NXPE4: variants seen among roughly 807,000 people sequenced by gnomAD.
NXPE4 encodes NXPE family member 4.
NXPE4 carries 42 observed loss-of-function variants against 33.3 expected under a neutral mutation model. That is an observed-to-expected ratio of 1.26 (90% CI 0.98 to 1.63). The LOEUF (loss-of-function observed/expected upper bound fraction) is 1.63. Among genes scored for constraint, NXPE4 ranks in the 40% most tolerant of loss-of-function variants. The pLI is 0.00. For synonymous variants in NXPE4, 253 were observed against 234.9 expected, an observed-to-expected ratio of 1.08 and a Z score of -0.71; for missense variants, 709 against 647.6, an observed-to-expected ratio of 1.09 and a Z score of -1.03.
chr11:114,639,349 G>A, the NXPE4 span, among the ~76,000 whole-genome samples: 4 of 151,978 alleles, frequency 2.6e-5, no homozygotes, highest in South Asian at 2.1e-4. Flanking sequence ...GGAGTGACCC[G>A]ATTTTCCAGG....
At chr11:114,652,228 T>A in the NXPE4 span, among the ~76,000 whole-genome samples, 6 of 152,136 alleles carry the variant, frequency 3.9e-5, no homozygotes, top group Non-Finnish European at 8.8e-5. Context: ...AGTTAGCAGG[T>A]GAATTTGGTG....
At chr11:114,610,908 T>C in the NXPE4 span, among the ~76,000 whole-genome samples, 5 of 150,166 alleles carry the variant, frequency 3.3e-5, no homozygotes, top group African/African-American at 4.9e-5. Context: ...CAATGGTACC[T>C]GGTGGATAAT....
chr11:114,667,407 G>C, the NXPE4 span, among the ~76,000 whole-genome samples: 6 of 152,214 alleles, frequency 3.9e-5, no homozygotes, highest in African/African-American at 1.4e-4. Flanking sequence ...TTCAGTTAGA[G>C]ATTATCCATT....
the NXPE4 span, among the ~76,000 whole-genome samples, chr11:114,634,084 G>C: frequency 6.6e-6 from 1 of 151,572 alleles, no homozygotes; most frequent in Admixed American, 6.6e-5. Context: ...CACCAACAGT[G>C]TAAAAGTGTT....
At chr11:114,611,053 C>T in the NXPE4 span, among the ~76,000 whole-genome samples, 15 of 151,568 alleles carry the variant, frequency 9.9e-5, no homozygotes, top group South Asian at 8.3e-4. Context: ...ATAAGTGTTG[C>T]GTCATGGGTA....
chr11:114,676,137 A>G, the NXPE4 span, among the ~76,000 whole-genome samples: 2 of 151,992 alleles, frequency 1.3e-5, no homozygotes, highest in African/African-American at 4.8e-5. Context: ...AGGACCTGAA[A>G]CTGTAAAACT....
chr11:114,657,741 G>GA, the NXPE4 span, among the ~76,000 whole-genome samples: 232 of 151,896 alleles, frequency 1.5e-3, no homozygotes, highest in African/African-American at 4.3e-3. Flanking sequence ...CTTGTACAAA[G>GA]AAAAAAAGAT....
chr11:114,632,704 A>G, the NXPE4 span, among the ~76,000 whole-genome samples: 1 of 79,318 alleles, frequency 1.3e-5, no homozygotes, highest in African/African-American at 5.1e-5. Flanking sequence ...ATATTTATAT[A>G]ATATAATATA....
chr11:114,635,748 T>C, the NXPE4 span, among the ~76,000 whole-genome samples: 1 of 152,090 alleles, frequency 6.6e-6, no homozygotes, highest in Admixed American at 6.6e-5. Context: ...TTTGGTTCTG[T>C]TTATATGCTG....
At chr11:114,582,258 C>T in intron 3 of NXPE4, 30 bp downstream of exon 3, 1 of 1,531,144 alleles carries the variant, frequency 6.5e-7, no homozygotes, top group Non-Finnish European at 8.8e-7. Context: ...AATATTTGCA[C>T]AGGTAGTCTC....
At chr11:114,618,677 A>G in the NXPE4 span, among the ~76,000 whole-genome samples, 2 of 151,466 alleles carry the variant, frequency 1.3e-5, no homozygotes, top group African/African-American at 2.4e-5. Flanking sequence ...CGTAACCAGT[A>G]TTACCCACTT....
At chr11:114,628,794 AAGAG>A in the NXPE4 span, among the ~76,000 whole-genome samples, 20 of 152,124 alleles carry the variant, frequency 1.3e-4, no homozygotes, top group East Asian at 2.7e-3. Context: ...TAATGAAAAA[AAGAG>A]AGAAGAATCA....
chr11:114,615,206 G>A, the NXPE4 span, among the ~76,000 whole-genome samples: 21 of 151,330 alleles, frequency 1.4e-4, no homozygotes, highest in East Asian at 1.2e-3. Context: ...ACTGTTAGCC[G>A]GTGGATACTA....
At chr11:114,607,246 G>A in the NXPE4 span, among the ~76,000 whole-genome samples, 2 of 151,838 alleles carry the variant, frequency 1.3e-5, no homozygotes, top group African/African-American at 4.8e-5. Flanking sequence ...GTTACCTGGT[G>A]GATAATACGT....
the NXPE4 span, among the ~76,000 whole-genome samples, chr11:114,622,894 T>C: frequency 6.6e-6 from 1 of 152,086 alleles, no homozygotes; most frequent in Non-Finnish European, 1.5e-5. Context: ...TATTGCCTCA[T>C]AGGTAACCAC....
At chr11:114,574,961 A>G (rs1948964827) in intron 5 of NXPE4, among the ~76,000 whole-genome samples, 1 of 152,092 alleles carries the variant, frequency 6.6e-6, no homozygotes, top group Admixed American at 6.6e-5. Flanking sequence ...CTAGCTAACC[A>G]AATCCAATGG....
the NXPE4 span, among the ~76,000 whole-genome samples, chr11:114,601,935 AT>A: frequency 3.0e-4 from 25 of 81,980 alleles, no homozygotes; most frequent in Non-Finnish European, 4.2e-4. Flanking sequence ...ATATTTATAT[AT>A]ATTATATAAT....
intron 2 of NXPE4, among the ~76,000 whole-genome samples, chr11:114,592,907 C>T (rs532920564): frequency 4.6e-5 from 7 of 152,144 alleles, no homozygotes; most frequent in Non-Finnish European, 8.8e-5. Context: ...ACAAAGTCAT[C>T]AAAAACATAC....
At chr11:114,630,278 A>C in the NXPE4 span, among the ~76,000 whole-genome samples, 20 of 151,756 alleles carry the variant, frequency 1.3e-4, no homozygotes, top group South Asian at 8.3e-4. Flanking sequence ...AACTATACTA[A>C]AAGGCTACAG....
Sources: gnomAD v4.1 joint callset for allele counts (sites outside exome capture counted in the v4.1 genomes callset) on GRCh38, gnomAD v4.1.1 for gene constraint, MANE v1.5 for transcripts, NCBI Gene and HGNC (gene_info 2026-07-23, HGNC 2026-07-21) for gene names.